TSPEAR: variants seen among roughly 807,000 people sequenced by gnomAD.
TSPEAR encodes the protein thrombospondin-type laminin G domain and EAR repeat-containing protein.
In TSPEAR, 69 loss-of-function variants were observed where a neutral mutation model predicts 71.6. The ratio of observed to expected loss-of-function variants is 0.96; its 90% confidence interval spans 0.79 to 1.18. The LOEUF (loss-of-function observed/expected upper bound fraction) is 1.18, where lower values mean the gene tolerates loss of function less well. TSPEAR is among the 50% of genes most tolerant of loss of function. The pLI is 0.00. For synonymous variants in TSPEAR, 402 were observed against 387.2 expected (o/e 1.04, Z -0.45); for missense variants, 971 against 894.9 (o/e 1.09, Z -1.09).
At chr21:44,585,070 C>T (rs455777) in intron 1 of TSPEAR, among the ~76,000 whole-genome samples, 143,529 of 152,254 alleles carry the variant, frequency 0.94, 67,817 homozygotes, top group Non-Finnish European at 0.97. Flanking sequence ...TGAGCATCTG[C>T]GGATTTTTGT....
chr21:44,578,153 G>A (rs1555924189), intron 1 of TSPEAR, among the ~76,000 whole-genome samples: 2 of 152,128 alleles, frequency 1.3e-5, no homozygotes, highest in African/African-American at 2.4e-5. Flanking sequence ...TCTTGGGTAT[G>A]TCTTTATTAG....
At chr21:44,600,211 G>A (rs1980691987) in intron 1 of TSPEAR, among the ~76,000 whole-genome samples, 1 of 152,146 alleles carries the variant, frequency 6.6e-6, no homozygotes, top group South Asian at 2.1e-4. Context: ...CAGACAAGCA[G>A]AGTCCCCTGG....
At chr21:44,591,819 G>C (rs782516569) in intron 1 of TSPEAR, 1 of 1,598,782 alleles carries the variant, frequency 6.3e-7, no homozygotes, top group Non-Finnish European at 8.5e-7. Context: ...GCTGGCAGGG[G>C]GAGGAGGTGC....
intron 2 of TSPEAR, 85 bp from the exon 3 acceptor site, chr21:44,534,008 T>G: frequency 1.0e-6 from 1 of 974,696 alleles, no homozygotes; most frequent in Non-Finnish European, 1.5e-6. Flanking sequence ...GCAGAGGTGA[T>G]GAGCACAGGT....
chr21:44,509,519 G>GCAGAGGTGTGGGTGAGCGGGCA (rs1555912378), intron 9 of TSPEAR, 133 bp from the exon 10 acceptor site: 2 of 553,510 alleles, frequency 3.6e-6, no homozygotes, highest in African/African-American at 4.9e-5. Context: ...GGGAGGGGGC[G>GCAGAGGTGTGGGTGAGCGGGCA]CAGAGGTGTG....
chr21:44,666,380 C>G, intron 1 of TSPEAR: 2 of 1,496,418 alleles, frequency 1.3e-6, no homozygotes, highest in East Asian at 4.6e-5. Flanking sequence ...CAACTGAGGA[C>G]TCATCCAGGG....
intron 1 of TSPEAR, among the ~76,000 whole-genome samples, chr21:44,656,257 A>T (rs1254264617): frequency 6.6e-6 from 1 of 152,044 alleles, no homozygotes; most frequent in Admixed American, 6.5e-5. Context: ...CTGCTCCTTT[A>T]CCTTCCCCTG....
In TSPEAR at chr21:44,627,627, G is replaced by A. The variant is rs201092365; in HGVS notation, c.83-59622C>T. The stretch of plus-strand genomic sequence containing the variant: ...TCTGCTGCAAACCTGTGTGCTGTGC[G>A]CCCACCTGCTCTGAGGATTCCTATT... On this transcript the variant is annotated intron_variant, in intron 1 of 11. Transcript: ENST00000323084. The A allele has an allele frequency of 3.7e-4, 595 of 1,608,924 alleles. 3 individuals carry two copies. The African/African-American group carries it at 5.5e-3, about 15-fold the overall frequency.
chr21:44,572,884 C>A (rs1961616955), intron 1 of TSPEAR, among the ~76,000 whole-genome samples: 1 of 127,778 alleles, frequency 7.8e-6, no homozygotes, highest in African/African-American at 3.0e-5. Flanking sequence ...CACACACACA[C>A]ACGGAGAAGC....
At position 44,603,121 on chromosome 21, in the gene TSPEAR, G is replaced by A. The variant is rs182930506; in HGVS notation, c.83-35116C>T. On this transcript the variant is annotated intron_variant, in intron 1 of 11. Transcript: ENST00000323084. ...CGTAGGTTTCATGAGGAGCAGAGCC[G>A]ACCTGCGCCTGCAACGAGCTGTCCC... Among the ~76,000 whole-genome samples, 546 of 152,190 alleles carry A rather than the reference G, an allele frequency of 3.6e-3. 4 individuals are homozygous for A. The highest frequency in any genetic ancestry group is 0.012 in the African/African-American group (500 of 41,520).
chr21:44,665,183 C>T (rs1201023966), intron 1 of TSPEAR, among the ~76,000 whole-genome samples: 1 of 152,232 alleles, frequency 6.6e-6, no homozygotes, highest in East Asian at 1.9e-4. Flanking sequence ...ACAATAGGTC[C>T]CTGACCACCT....
intron 10 of TSPEAR, 49 bp from the exon 11 acceptor site, chr21:44,504,930 G>A (rs782021781): frequency 2.0e-6 from 3 of 1,482,800 alleles, no homozygotes; most frequent in Non-Finnish European, 2.8e-6. Context: ...CATCGCCAGG[G>A]AACTGGGGGA....
Position 44,499,811 on chromosome 21 carries a change from G to C in TSPEAR, c.1982C>G (p.Ser661Cys), listed in dbSNP as rs781989806. 2 of 1,578,172 alleles carry C rather than the reference G, an allele frequency of 1.3e-6. No homozygotes were observed. Among genetic ancestry groups the C allele is most frequent in the Middle Eastern group, 1.9e-4 (1 of 5,384 alleles). Reference sequence around the variant, plus strand: ...GCGTGTCCTCAGCCGCAGGACCCTGGAGAGGGGCTCCTTGGCGCTGGAGTA... The same window carrying C: ...GCGTGTCCTCAGCCGCAGGACCCTGCAGAGGGGCTCCTTGGCGCTGGAGTA... ...LIYSSAKEPL[S>C]RVLRLRTR The change falls in exon 12 of 12, where the codon TCC (serine) becomes TGC (cysteine). Residue 661 changes from serine (S) to cysteine (C), a missense_variant. Coordinates refer to ENST00000323084, the MANE Select transcript of TSPEAR (RefSeq NM_144991.3).
intron 1 of TSPEAR, among the ~76,000 whole-genome samples, chr21:44,644,222 T>C (rs1555939053): frequency 1.3e-5 from 2 of 152,228 alleles, no homozygotes; most frequent in East Asian, 1.9e-4. Context: ...CAAAAAGTCA[T>C]GTCTCCAGTG....
rs587596695 is a variant in TSPEAR at position 44,570,114 on chromosome 21, A to G, written c.83-2109T>C. On this transcript the variant is annotated intron_variant, in intron 1 of 11. Coordinates refer to ENST00000323084, the MANE Select transcript of TSPEAR (RefSeq NM_144991.3). ...ACCAGGGGCCACCTCCTCAATGAGG[A>G]AACGTGGGGGCCACCATCCAGAAGG... is the stretch of plus-strand genomic sequence containing the variant. 8.2e-4 allele frequency among the ~76,000 whole-genome samples: 125 copies of G among 152,246 alleles called. 1 individual carries two copies. In the Middle Eastern group the frequency reaches 0.014, roughly 17 times the overall value.
At chr21:44,509,176 C>T in intron 10 of TSPEAR, 23 bp downstream of exon 10, 2 of 1,607,652 alleles carry the variant, frequency 1.2e-6, no homozygotes, top group Non-Finnish European at 8.5e-7. Flanking sequence ...GCCCACCTCC[C>T]ACTGGCCTGT....
At position 44,593,618 on chromosome 21, in the gene TSPEAR, C is replaced by T. The variant is rs9983964; in HGVS notation, c.83-25613G>A. Among the ~76,000 whole-genome samples, 10 of 152,060 alleles carry T rather than the reference C, an allele frequency of 6.6e-5. No individual in the cohort carries two copies. Among genetic ancestry groups the T allele is most frequent in the East Asian group, 1.9e-4 (1 of 5,174 alleles). On this transcript the variant is annotated intron_variant, in intron 1 of 11. Transcript: ENST00000323084. This position sits in a 1 kb window ranked among gnomAD's most constrained non-coding sequence, Gnocchi z 5.9. ...GTTACACCCCCTCCCTTTAGGGTTT[C>T]GACACAACCACTACCCAGCACTAAA... is the stretch of plus-strand genomic sequence containing the variant.
chr21:44,658,771 G>A (rs1985321865), intron 1 of TSPEAR, among the ~76,000 whole-genome samples: 1 of 152,078 alleles, frequency 6.6e-6, no homozygotes, highest in African/African-American at 2.4e-5. Flanking sequence ...CCATGAGGAA[G>A]ACAACTCTTG....
intron 11 of TSPEAR, among the ~76,000 whole-genome samples, chr21:44,504,374 C>T (rs1420592207): frequency 8.8e-5 from 12 of 136,738 alleles, no homozygotes; most frequent in African/African-American, 2.5e-4. Context: ...AAGCAAGTCT[C>T]TTGGAGGAAG....
Sources: gnomAD v4.1 joint callset for allele counts (sites outside exome capture counted in the v4.1 genomes callset) on GRCh38, gnomAD v4.1.1 for gene constraint, Gnocchi (gnomAD v3.1) non-coding constraint, MANE v1.5 for transcripts, NCBI Gene and HGNC (gene_info 2026-07-23, HGNC 2026-07-21) for gene names.